The following ARGLU1 variants were observed in gnomAD, a reference collection of about 807,000 sequenced individuals.
ARGLU1 encodes arginine and glutamate rich 1.
In ARGLU1, 9 loss-of-function variants were observed where a neutral mutation model predicts 37.6. That is an observed-to-expected ratio of 0.24 (90% CI 0.14 to 0.42). The LOEUF (loss-of-function observed/expected upper bound fraction) is 0.42, where lower values mean the gene tolerates loss of function less well. ARGLU1 is among the 10% of genes least tolerant of loss of function. The pLI, the probability that ARGLU1 is intolerant of heterozygous loss-of-function variation, is 1.00. For missense variants in ARGLU1, 211 were observed against 359.2 expected, an observed-to-expected ratio of 0.59 and a Z score of 3.34; for synonymous variants, 166 against 138.5, an observed-to-expected ratio of 1.20 and a Z score of -1.39.
At chr13:106,556,203 C>T (rs964432524) in intron 3 of ARGLU1, among the ~76,000 whole-genome samples, 2 of 152,172 alleles carry the variant, frequency 1.3e-5, no homozygotes, top group African/African-American at 2.4e-5. Context: ...AGATTTTCTT[C>T]GGGAAAGCGG....
At chr13:106,564,310 C>G (rs1451652464) in intron 1 of ARGLU1, among the ~76,000 whole-genome samples, 4 of 152,152 alleles carry the variant, frequency 2.6e-5, no homozygotes, top group Admixed American at 6.5e-5. Flanking sequence ...CAAGTATCAC[C>G]TACTTTAAAT....
Position 106,568,088 on chromosome 13 carries a change from G to T in ARGLU1, c.-169C>A. 3.7e-6 allele frequency: 4 copies of T among 1,072,526 alleles called. No homozygotes were observed. The highest frequency in any genetic ancestry group is 5.0e-6 in the Non-Finnish European group (4 of 793,810). The allele number at this position is 1,072,526 out of a possible 1,614,324, so 66.4% of individuals were successfully genotyped here. A position where few individuals can be genotyped will look rare whatever the true frequency, so the allele number is the denominator to read the frequency against. On this transcript the variant is annotated 5_prime_UTR_variant, in exon 1 of 4. Transcript: ENST00000400198. ...GGCGTCTACAGCTGCCACGAAGGCCGCCTCCAACGAGAAACCCGTAGCGCC... is the reference window on the plus strand; with the variant it reads ...GGCGTCTACAGCTGCCACGAAGGCCTCCTCCAACGAGAAACCCGTAGCGCC...
At chr13:106,554,649 G>A (rs923182196) in intron 3 of ARGLU1, among the ~76,000 whole-genome samples, 2 of 151,788 alleles carry the variant, frequency 1.3e-5, no homozygotes, top group African/African-American at 4.8e-5. Flanking sequence ...CACTTTGGGA[G>A]GACGGTGCGG....
In ARGLU1 at chr13:106,568,102, A is replaced by G. The variant is rs1594197892; in HGVS notation, c.-183T>C. On this transcript the variant is annotated 5_prime_UTR_variant, in exon 1 of 4. Transcript: ENST00000400198. The stretch of plus-strand genomic sequence containing the variant: ...CCACGAAGGCCGCCTCCAACGAGAA[A>G]CCCGTAGCGCCAGGCGCCCCTAAGA... 4.3e-6 allele frequency: 4 copies of G among 929,824 alleles called. No individual in the cohort carries two copies. In the East Asian group the frequency reaches 1.3e-4, roughly 29 times the overall value. The allele number at this position is 929,824 out of a possible 1,614,324, so 57.6% of individuals were successfully genotyped here. A position where few individuals can be genotyped will look rare whatever the true frequency, so the allele number is the denominator to read the frequency against.
chr13:106,559,897 T>G (rs532175737), intron 1 of ARGLU1, among the ~76,000 whole-genome samples: 1 of 152,276 alleles, frequency 6.6e-6, no homozygotes, highest in African/African-American at 2.4e-5. Context: ...GGAGAACAGG[T>G]ATATACAAAG....
intron 3 of ARGLU1, among the ~76,000 whole-genome samples, chr13:106,552,607 A>C (rs1248621609): frequency 6.6e-6 from 1 of 152,228 alleles, no homozygotes. Flanking sequence ...CCAAAAAAGT[A>C]AAATTCATAT....
At chr13:106,558,389 T>A in intron 2 of ARGLU1, 1 of 985,422 alleles carries the variant, frequency 1.0e-6, no homozygotes, top group Non-Finnish European at 1.2e-6. Context: ...ATTTAATATG[T>A]CAACTTGTCC....
chr13:106,554,188 T>A (rs958744800), intron 3 of ARGLU1, among the ~76,000 whole-genome samples: 1 of 152,358 alleles, frequency 6.6e-6, no homozygotes, highest in Non-Finnish European at 1.5e-5. Context: ...TTTGGAGTTG[T>A]CTTTGTTTCC....
chr13:106,556,945 C>G (rs1258919207), intron 3 of ARGLU1, 103 bp downstream of exon 3: 1 of 1,001,194 alleles, frequency 1.0e-6, no homozygotes, highest in African/African-American at 1.6e-5. Flanking sequence ...GAGAATCCCC[C>G]CAAAATAAGT....
intron 2 of ARGLU1, chr13:106,558,685 C>T: frequency 3.0e-6 from 3 of 985,442 alleles, no homozygotes; most frequent in Non-Finnish European, 3.6e-6. Context: ...ACTTCTGCTC[C>T]AGCTGCTGAT....
chr13:106,549,254 AGAGT>A (rs1328103207), intron 3 of ARGLU1, among the ~76,000 whole-genome samples: 1 of 152,212 alleles, frequency 6.6e-6, no homozygotes, highest in African/African-American at 2.4e-5. Context: ...AAATATTTCA[AGAGT>A]GATTATAGAA....
rs1439180866 is a variant in ARGLU1, at chr13:106,557,247, C to G, written c.574-116G>C. ...TATGACTTACAGGGTAGCTTTATAG[C>G]TACCTTCTGTCTGACAAATGATAAA... On this transcript the variant is annotated intron_variant, in intron 2 of 3. Transcript: ENST00000400198. The surrounding 1 kb of genome is among the most constrained non-coding windows in gnomAD (Gnocchi z 5.0). The G allele has an allele frequency of 1.1e-6, 1 of 892,068 alleles. No individual in the cohort carries two copies. The highest frequency in any genetic ancestry group is 1.7e-6 in the Non-Finnish European group (1 of 582,768). The allele number at this position is 892,068 out of a possible 1,614,324, so 55.3% of individuals were successfully genotyped here.
At position 106,557,220 on chromosome 13, in the gene ARGLU1, GAT is replaced by G. The variant is rs1194704257; in HGVS notation, c.574-91_574-90del. 2.6e-6 allele frequency: 3 copies of G among 1,160,370 alleles called. No homozygotes were observed. The highest frequency in any genetic ancestry group is 3.8e-6 in the Non-Finnish European group (3 of 794,736). 71.9% of individuals were successfully genotyped at this position (1,160,370 alleles called of 1,614,324 possible). On this transcript the variant is annotated intron_variant, in intron 2 of 3. Transcript: ENST00000400198. This position sits in a 1 kb window ranked among gnomAD's most constrained non-coding sequence, Gnocchi z 5.0. ...TACTAATCTTCCTCTGAACTTTTTT[GAT>G]ATGACTTACAGGGTAGCTTTATAGC...
intron 1 of ARGLU1, among the ~76,000 whole-genome samples, chr13:106,566,057 T>C (rs1880953726): frequency 6.6e-6 from 1 of 152,240 alleles, no homozygotes; most frequent in Non-Finnish European, 1.5e-5. Flanking sequence ...CATACATCCA[T>C]CTGTTGATAG....
intron 3 of ARGLU1, among the ~76,000 whole-genome samples, chr13:106,548,562 A>T (rs569285458): frequency 6.6e-4 from 101 of 152,248 alleles, no homozygotes; most frequent in Middle Eastern, 6.8e-3. Flanking sequence ...ACAATACCAG[A>T]ACCAATACAC....
intron 3 of ARGLU1, among the ~76,000 whole-genome samples, chr13:106,547,643 G>A (rs1297589393): frequency 6.6e-6 from 1 of 152,154 alleles, no homozygotes; most frequent in Non-Finnish European, 1.5e-5. Flanking sequence ...TGCTACTTTT[G>A]TGCAATAAAG....
intron 3 of ARGLU1, among the ~76,000 whole-genome samples, chr13:106,550,277 C>A (rs764986414): frequency 2.6e-4 from 40 of 152,166 alleles, no homozygotes; most frequent in Admixed American, 1.4e-3. Context: ...TTTGACTGGC[C>A]TTCAGTGGCT....
rs1880696424 is a variant in ARGLU1, at chr13:106,557,886, A to G, written c.574-755T>C. 2.0e-6 allele frequency: 2 copies of G among 985,338 alleles called. No individual in the cohort carries two copies. The highest frequency in any genetic ancestry group is 2.4e-6 in the Non-Finnish European group (2 of 829,934). 61.0% of individuals were successfully genotyped at this position (985,338 alleles called of 1,614,324 possible). A position where few individuals can be genotyped will look rare whatever the true frequency, so the allele number is the denominator to read the frequency against. Reference sequence around the variant, plus strand: ...TGGACTTAACATTCAGATGTTGACAATTTCGGAAGGCAGCTTATATTGTCA... The same window carrying G: ...TGGACTTAACATTCAGATGTTGACAGTTTCGGAAGGCAGCTTATATTGTCA... On this transcript the variant is annotated intron_variant, in intron 2 of 3. Coordinates refer to ENST00000400198, the MANE Select transcript of ARGLU1 (RefSeq NM_018011.4). The surrounding 1 kb of genome is among the most constrained non-coding windows in gnomAD (Gnocchi z 5.0).
At chr13:106,554,133 T>C (rs980323587) in intron 3 of ARGLU1, among the ~76,000 whole-genome samples, 1 of 152,250 alleles carries the variant, frequency 6.6e-6, no homozygotes, top group African/African-American at 2.4e-5. Context: ...TATCTTACAT[T>C]ACCTATACCA....
Sources: allele counts gnomAD v4.1 joint callset (sites outside exome capture counted in the v4.1 genomes callset), GRCh38; gene constraint gnomAD v4.1.1; non-coding constraint Gnocchi (gnomAD v3.1); transcripts MANE v1.5; gene names NCBI Gene and HGNC (gene_info 2026-07-23, HGNC 2026-07-21).